Variants in OSBPL6 observed in about 807,000 individuals in gnomAD.
OSBPL6 encodes the protein oxysterol binding protein like 6.
OSBPL6 carries 49 observed loss-of-function variants against 125.8 expected under a neutral mutation model. The observed-to-expected ratio is 0.39, with a 90% CI of 0.31 to 0.49. The LOEUF (loss-of-function observed/expected upper bound fraction) is 0.49, where lower values mean the gene tolerates loss of function less well. Among genes scored for constraint, OSBPL6 ranks in the 20% least tolerant of loss-of-function variants. The pLI is 0.88. For synonymous variants in OSBPL6, 394 were observed against 391.8 expected (o/e 1.01, Z -0.07); for missense variants, 986 against 1,135.4 (o/e 0.87, Z 1.89).
At chr2:178,271,724 A>G (rs2092378978) in intron 1 of OSBPL6, among the ~76,000 whole-genome samples, 2 of 152,228 alleles carry the variant, frequency 1.3e-5, no homozygotes, top group African/African-American at 2.4e-5. Flanking sequence ...GAATATACAT[A>G]ATAGTTATTT....
chr2:178,224,113 T>C (rs778072812), intron 1 of OSBPL6, among the ~76,000 whole-genome samples: 9 of 152,032 alleles, frequency 5.9e-5, no homozygotes, highest in East Asian at 5.8e-4. Flanking sequence ...TTGGTTAATA[T>C]TGGGGGGAAG....
intron 2 of OSBPL6, among the ~76,000 whole-genome samples, chr2:178,292,015 G>C (rs1462929771): frequency 6.6e-6 from 1 of 151,960 alleles, no homozygotes; most frequent in Non-Finnish European, 1.5e-5. Flanking sequence ...CTCATGTCAT[G>C]GGGGTTTGTT....
At chr2:178,282,519 C>A (rs993790642) in intron 1 of OSBPL6, among the ~76,000 whole-genome samples, 5 of 152,186 alleles carry the variant, frequency 3.3e-5, no homozygotes, top group African/African-American at 1.2e-4. Context: ...GCAAAAAGAG[C>A]TGCAGGATAG....
intron 12 of OSBPL6, among the ~76,000 whole-genome samples, chr2:178,358,054 A>G (rs1214132264): frequency 6.6e-6 from 1 of 152,064 alleles, no homozygotes; most frequent in Non-Finnish European, 1.5e-5. Flanking sequence ...TGGACACGGC[A>G]GGGAACATCA....
chr2:178,386,096 G>C (rs957148257), intron 19 of OSBPL6, among the ~76,000 whole-genome samples: 2 of 152,226 alleles, frequency 1.3e-5, no homozygotes, highest in Admixed American at 6.5e-5. Flanking sequence ...TGAACATTAA[G>C]TGTAAATAGT....
intron 1 of OSBPL6, among the ~76,000 whole-genome samples, chr2:178,265,700 A>G (rs1415888848): frequency 6.6e-6 from 1 of 152,120 alleles, no homozygotes; most frequent in African/African-American, 2.4e-5. Flanking sequence ...AGGCCCTGTC[A>G]CTAGCCTAAA....
At chr2:178,273,473 G>C (rs972805582) in intron 1 of OSBPL6, among the ~76,000 whole-genome samples, 4 of 151,912 alleles carry the variant, frequency 2.6e-5, no homozygotes, top group Admixed American at 1.3e-4. Context: ...CCAGCTACTC[G>C]GGAGGCTGAG....
At chr2:178,347,646 G>T (rs1690850464) in intron 11 of OSBPL6, among the ~76,000 whole-genome samples, 1 of 152,180 alleles carries the variant, frequency 6.6e-6, no homozygotes, top group Admixed American at 6.5e-5. Flanking sequence ...ACCTGGACAG[G>T]ATTCCAGCAG....
intron 1 of OSBPL6, among the ~76,000 whole-genome samples, chr2:178,263,084 C>A (rs984043000): frequency 6.6e-6 from 1 of 151,950 alleles, no homozygotes; most frequent in Non-Finnish European, 1.5e-5. Flanking sequence ...AAAAAAAAAA[C>A]TTTTGCTGGA....
chr2:178,382,934 A>G, intron 16 of OSBPL6, 90 bp from the exon 17 acceptor site: 1 of 1,533,262 alleles, frequency 6.5e-7, no homozygotes, highest in Non-Finnish European at 8.8e-7. Flanking sequence ...AAAGGTCTCA[A>G]AATCAGATTT....
intron 1 of OSBPL6, among the ~76,000 whole-genome samples, chr2:178,220,912 T>G (rs559678345): frequency 1.3e-5 from 2 of 152,142 alleles, no homozygotes; most frequent in African/African-American, 4.8e-5. Context: ...TAACAGGACA[T>G]GGCTGGAGTG....
chr2:178,325,576 T>C (rs1294637485), intron 4 of OSBPL6, among the ~76,000 whole-genome samples: 1 of 151,992 alleles, frequency 6.6e-6, no homozygotes, highest in Non-Finnish European at 1.5e-5. Context: ...TTCTCTCTTA[T>C]AGTTAGCTAA....
rs1257482407 is a variant in OSBPL6, at chr2:178,281,425, C to T, written c.-350-3502C>T. Among the ~76,000 whole-genome samples the T allele has an allele frequency of 2.6e-5, 4 of 152,250 alleles. No homozygotes were observed. The East Asian group carries it at 5.8e-4, about 22-fold the overall frequency. ...TAGGTTTTACATTTAAGTCTTTAAT[C>T]TGCCTTGAGTTAATTTTTGTATAAG... On this transcript the variant is annotated intron_variant, in intron 1 of 24. Transcript: ENST00000190611.
chr2:178,256,764 A>T (rs1414700866), intron 1 of OSBPL6, among the ~76,000 whole-genome samples: 4 of 152,220 alleles, frequency 2.6e-5, no homozygotes, highest in African/African-American at 9.6e-5. Flanking sequence ...TATGTTTTTG[A>T]ACCAGAATAT....
At chr2:178,388,085 T>G (rs1384391709) in intron 20 of OSBPL6, among the ~76,000 whole-genome samples, 9 of 152,226 alleles carry the variant, frequency 5.9e-5, no homozygotes, top group Non-Finnish European at 5.9e-5. Context: ...TCATAAACTT[T>G]GCAGAAACTT....
Position 178,332,664 on chromosome 2 carries a change from G to A in OSBPL6, c.396G>A (p.Gly132=), listed in dbSNP as rs1183735562. The change falls in exon 7 of 25, where the codon GGG becomes GGA. Residue 132 remains glycine (G), a synonymous_variant. Coordinates refer to ENST00000190611, the MANE Select transcript of OSBPL6 (RefSeq NM_032523.4). ...PLDIQKGKVH[G]SIDVGLSVMS... is the part of the protein sequence containing the mutation. ...AGATTCAGAAAGGAAAGGTCCATGG[G>A]AGCATAGATGTGGGACTCTCAGTCA... 1.9e-6 allele frequency: 3 copies of A among 1,613,916 alleles called. No individual in the cohort carries two copies. Among genetic ancestry groups the A allele is most frequent in the East Asian group, 2.2e-5 (1 of 44,874 alleles).
In OSBPL6 at chr2:178,330,237, G is replaced by C. The variant is rs1015906979; in HGVS notation, c.319-1315G>C. Among the ~76,000 whole-genome samples the C allele has an allele frequency of 2.0e-5, 3 of 152,110 alleles. No individual in the cohort carries two copies. The South Asian group carries it at 6.2e-4, about 31-fold the overall frequency. On this transcript the variant is annotated intron_variant, in intron 5 of 24. Transcript: ENST00000190611. ...GAAATGGAAACCACAGGAAAAAACCGTCAAAGAAACAAATTTTGTATGAAT... is the reference window on the plus strand; with the variant it reads ...GAAATGGAAACCACAGGAAAAAACCCTCAAAGAAACAAATTTTGTATGAAT...
At chr2:178,386,276 G>A (rs550435395) in intron 19 of OSBPL6, among the ~76,000 whole-genome samples, 2 of 152,250 alleles carry the variant, frequency 1.3e-5, no homozygotes, top group East Asian at 3.9e-4. Flanking sequence ...TGTGGAGATG[G>A]CACGAAGTTC....
intron 1 of OSBPL6, among the ~76,000 whole-genome samples, chr2:178,274,970 G>A (rs572979311): frequency 5.9e-5 from 9 of 151,944 alleles, no homozygotes; most frequent in African/African-American, 1.2e-4. Flanking sequence ...TCTCTGAAGC[G>A]CACTCCTAGG....
Sources: gnomAD v4.1 joint callset for allele counts (sites outside exome capture counted in the v4.1 genomes callset) on GRCh38, gnomAD v4.1.1 for gene constraint, MANE v1.5 for transcripts, NCBI Gene and HGNC (gene_info 2026-07-23, HGNC 2026-07-21) for gene names.